TAF12: variants seen among roughly 807,000 people sequenced by gnomAD.
The protein encoded by TAF12 is TATA-box binding protein associated factor 12.
Under a neutral mutation model 20.8 loss-of-function variants are expected in TAF12, and 3 were observed. That is an observed-to-expected ratio of 0.14 (90% CI 0.07 to 0.37). The LOEUF (loss-of-function observed/expected upper bound fraction) is 0.37, where lower values mean the gene tolerates loss of function less well. Ranked by LOEUF, TAF12 falls within the 10% of genes least tolerant of loss-of-function variation. TAF12 has a pLI of 1.00. For synonymous variants in TAF12, 69 were observed against 70.2 expected (o/e 0.98, Z 0.09); for missense variants, 131 against 197.9 (o/e 0.66, Z 2.03).
In TAF12 at chr1:28,622,174, G is replaced by A. The variant is rs1667241883; in HGVS notation, c.-84-9C>T. 6.7e-7 allele frequency: 1 copy of A among 1,502,976 alleles called. No individual in the cohort carries two copies. The highest frequency in any genetic ancestry group is 1.4e-5 in the African/African-American group (1 of 71,162). 93.1% of individuals were successfully genotyped at this position (1,502,976 alleles called of 1,614,324 possible). A position where few individuals can be genotyped will look rare whatever the true frequency, so the allele number is the denominator to read the frequency against. The stretch of plus-strand genomic sequence containing the variant: ...GGACCAAGGCCAATTAACTGGAGAA[G>A]AAAAGCACAAGAATTAGCTCTAGAA... On this transcript the variant is annotated splice_polypyrimidine_tract_variant and intron_variant, in intron 1 of 5. Transcript: ENST00000373824.
chr1:28,633,428 AAAGT>A lies in TAF12; in HGVS notation c.-85+9560_-85+9563del, dbSNP rs1557471977. On this transcript the variant is annotated intron_variant, in intron 1 of 5. Transcript: ENST00000373824. ...GGTGATCCACCCGCCTCAGCCTCCC[AAAGT>A]GCTGGGATTACAGGCATGAGACACT... Among the ~76,000 whole-genome samples, 50 of 150,192 alleles carry A rather than the reference AAAGT, an allele frequency of 3.3e-4. No homozygotes were observed. In the East Asian group the frequency reaches 9.9e-3, roughly 30 times the overall value.
In TAF12 at chr1:28,643,053, G is replaced by C. The variant is rs902697227; in HGVS notation, c.-146C>G. The C allele has an allele frequency of 8.1e-6, 8 of 985,774 alleles. No individual in the cohort carries two copies. The highest frequency in any genetic ancestry group is 3.6e-6 in the Non-Finnish European group (3 of 829,962). The allele number at this position is 985,774 out of a possible 1,614,324, so 61.1% of individuals were successfully genotyped here. Reference sequence around the variant, plus strand: ...CTGCCCCAGTGAAGCGTTCGTCTCAGCAGCCGGTCCGACTGCGCGGCCCTC... The same window carrying C: ...CTGCCCCAGTGAAGCGTTCGTCTCACCAGCCGGTCCGACTGCGCGGCCCTC... On this transcript the variant is annotated 5_prime_UTR_variant, in exon 1 of 6. Coordinates refer to ENST00000373824, the MANE Select transcript of TAF12 (RefSeq NM_005644.4).
chr1:28,632,865 A>T (rs570472689), intron 1 of TAF12, among the ~76,000 whole-genome samples: 15 of 152,148 alleles, frequency 9.9e-5, no homozygotes, highest in African/African-American at 3.1e-4. Context: ...TATAAATTTT[A>T]AAAAATATGT....
intron 4 of TAF12, among the ~76,000 whole-genome samples, chr1:28,612,410 T>A (rs1371727887): frequency 6.6e-6 from 1 of 150,636 alleles, no homozygotes; most frequent in Non-Finnish European, 1.5e-5. Context: ...ATCACTGCAC[T>A]CTAACCTGGG....
At chr1:28,604,940 A>T (rs553964354) in intron 5 of TAF12, among the ~76,000 whole-genome samples, 1 of 152,202 alleles carries the variant, frequency 6.6e-6, no homozygotes, top group Non-Finnish European at 1.5e-5. Context: ...CAGAATGTCC[A>T]GCACGGCAGC....
Position 28,622,169 on chromosome 1 carries a change from GAGA to G in TAF12, c.-84-7_-84-5del. Reference sequence around the variant, plus strand: ...TGTGAGGACCAAGGCCAATTAACTGGAGAAGAAAAGCACAAGAATTAGCTCTAG... The same window carrying G: ...TGTGAGGACCAAGGCCAATTAACTGGAGAAAAGCACAAGAATTAGCTCTAG... On this transcript the variant is annotated splice_polypyrimidine_tract_variant and splice_region_variant and intron_variant, in intron 1 of 5. Transcript: ENST00000373824. The G allele has an allele frequency of 6.6e-7, 1 of 1,505,416 alleles. No individual in the cohort carries two copies. 93.3% of individuals were successfully genotyped at this position (1,505,416 alleles called of 1,614,324 possible). A position where few individuals can be genotyped will look rare whatever the true frequency, so the allele number is the denominator to read the frequency against.
upstream of TAF12, among the ~76,000 whole-genome samples, chr1:28,647,084 TC>T (rs1668211134): frequency 6.6e-6 from 1 of 152,110 alleles, no homozygotes; most frequent in Non-Finnish European, 1.5e-5. Flanking sequence ...TCCACCCACC[TC>T]AGCTTCCCAA....
chr1:28,612,239 C>CAGG (rs1370874550), intron 4 of TAF12, among the ~76,000 whole-genome samples: 1 of 151,870 alleles, frequency 6.6e-6, no homozygotes, highest in Admixed American at 6.6e-5. Flanking sequence ...CAACAGAGGC[C>CAGG]AGGAGTACAA....
At chr1:28,627,185 G>C (rs555084098) in intron 1 of TAF12, among the ~76,000 whole-genome samples, 1 of 151,862 alleles carries the variant, frequency 6.6e-6, no homozygotes, top group East Asian at 2.0e-4. Flanking sequence ...TCAGGGGTTC[G>C]AGACCAGCCT....
In TAF12 at chr1:28,643,014, A is replaced by G. The variant is rs1570347683; in HGVS notation, c.-107T>C. On this transcript the variant is annotated 5_prime_UTR_variant, in exon 1 of 6. An upstream start codon of the reference 5' UTR is lost. Coordinates refer to ENST00000373824, the MANE Select transcript of TAF12 (RefSeq NM_005644.4). Reference sequence around the variant, plus strand: ...CACAGGCAGCAGCGTCTATCTCCCCATGATATGCAGAGACTGCCCCAGTGA... The same window carrying G: ...CACAGGCAGCAGCGTCTATCTCCCCGTGATATGCAGAGACTGCCCCAGTGA... 1.0e-6 allele frequency: 1 copy of G among 985,882 alleles called. No individual in the cohort carries two copies. Among genetic ancestry groups the G allele is most frequent in the Non-Finnish European group, 1.2e-6 (1 of 830,018 alleles). 61.1% of individuals were successfully genotyped at this position (985,882 alleles called of 1,614,324 possible).
chr1:28,603,614 T>G (rs754389774), intron 5 of TAF12, 40 bp from the exon 6 acceptor site: 84 of 1,610,254 alleles, frequency 5.2e-5, no homozygotes, highest in African/African-American at 5.3e-5. Flanking sequence ...CAGCAGCAGC[T>G]GGAGTCAGGA....
chr1:28,624,780 TAATAAG>T (rs1205565138), intron 1 of TAF12, among the ~76,000 whole-genome samples: 1 of 151,442 alleles, frequency 6.6e-6, no homozygotes, highest in Non-Finnish European at 1.5e-5. Flanking sequence ...TAAATAATAA[TAATAAG>T]AAGAAATCAT....
At chr1:28,612,516 TATAA>T (rs200657071) in intron 4 of TAF12, among the ~76,000 whole-genome samples, 3,831 of 146,122 alleles carry the variant, frequency 0.026, 176 homozygotes, top group African/African-American at 0.091. Flanking sequence ...AAAAATTATA[TATAA>T]ATATATATAA....
chr1:28,610,469 C>A (rs1666815465), intron 4 of TAF12, among the ~76,000 whole-genome samples: 1 of 151,574 alleles, frequency 6.6e-6, no homozygotes, highest in Non-Finnish European at 1.5e-5. Context: ...TTTTTTAAAT[C>A]TTTTTTAAAT....
intron 1 of TAF12, among the ~76,000 whole-genome samples, chr1:28,638,145 C>A (rs972252324): frequency 6.6e-6 from 1 of 151,744 alleles, no homozygotes; most frequent in African/African-American, 2.4e-5. Context: ...GGATTACAGG[C>A]GTCTGCCACC....
intron 1 of TAF12, among the ~76,000 whole-genome samples, chr1:28,641,509 G>A (rs921046968): frequency 6.6e-6 from 1 of 151,794 alleles, no homozygotes; most frequent in African/African-American, 2.4e-5. Flanking sequence ...AACAAAAACT[G>A]CAAGGGGGGT....
upstream of TAF12, chr1:28,648,093 T>C (rs1668245392): frequency 1.1e-6 from 1 of 898,174 alleles, no homozygotes; most frequent in East Asian, 1.2e-4. Flanking sequence ...ACCTTGTGCT[T>C]CCACTGCACG....
At chr1:28,627,742 A>G in intron 1 of TAF12, among the ~76,000 whole-genome samples, 1 of 151,714 alleles carries the variant, frequency 6.6e-6, no homozygotes, top group East Asian at 1.9e-4. Flanking sequence ...GTTTCTCCCT[A>G]AGAAACTCGA....
intron 1 of TAF12, among the ~76,000 whole-genome samples, chr1:28,633,686 C>T (rs1419944413): frequency 6.6e-6 from 1 of 151,438 alleles, no homozygotes; most frequent in Non-Finnish European, 1.5e-5. Flanking sequence ...CCGAGGTGGG[C>T]AGATCATCTA....
Sources: gnomAD v4.1 joint callset for allele counts (sites outside exome capture counted in the v4.1 genomes callset) on GRCh38, gnomAD v4.1.1 for gene constraint, MANE v1.5 for transcripts, NCBI Gene and HGNC (gene_info 2026-07-23, HGNC 2026-07-21) for gene names.